Variants in CREB5 observed in about 807,000 individuals in gnomAD.
CREB5 encodes the protein cyclic AMP-responsive element-binding protein 5.
CREB5 carries 19 observed loss-of-function variants against 57.1 expected under a neutral mutation model. The ratio of observed to expected loss-of-function variants is 0.33; its 90% CI spans 0.23 to 0.49. The LOEUF (loss-of-function observed/expected upper bound fraction) is 0.49, where lower values mean the gene tolerates loss of function less well. CREB5 is among the 20% of genes least tolerant of loss of function. The pLI is 0.99. For missense variants in CREB5, 579 were observed against 671.6 expected (o/e 0.86, Z 1.52); for synonymous variants, 238 against 238.3 (o/e 1.00, Z 0.01).
chr7:28,756,214 G>C (rs73077862), intron 7 of CREB5, among the ~76,000 whole-genome samples: 2 of 152,016 alleles, frequency 1.3e-5, no homozygotes, highest in African/African-American at 4.8e-5. Flanking sequence ...AAGGCAAGTC[G>C]CAGCCAAATG....
At chr7:28,456,240 A>AC (rs1790088606) in intron 1 of CREB5, among the ~76,000 whole-genome samples, 2 of 61,864 alleles carry the variant, frequency 3.2e-5, no homozygotes, top group African/African-American at 9.1e-5. Context: ...GAGAGGATTG[A>AC]TTTTTCCCCC....
intron 1 of CREB5, among the ~76,000 whole-genome samples, chr7:28,421,837 C>T (rs1356577701): frequency 3.8e-5 from 1 of 26,614 alleles, no homozygotes; most frequent in Admixed American, 4.7e-4. Context: ...TATATATACA[C>T]ACACACACAC....
intron 1 of CREB5, among the ~76,000 whole-genome samples, chr7:28,472,699 C>G (rs1273670439): frequency 6.6e-6 from 1 of 152,188 alleles, no homozygotes; most frequent in Non-Finnish European, 1.5e-5. Flanking sequence ...CCAGGATCCC[C>G]AGAGTGAATT....
At chr7:28,383,956 C>T (rs1357202682) in intron 1 of CREB5, among the ~76,000 whole-genome samples, 1 of 152,092 alleles carries the variant, frequency 6.6e-6, no homozygotes, top group Non-Finnish European at 1.5e-5. Context: ...GTGAAATAAC[C>T]TCATTGCTCT....
intron 5 of CREB5, among the ~76,000 whole-genome samples, chr7:28,606,077 G>C (rs1386922293): frequency 6.6e-6 from 1 of 152,142 alleles, no homozygotes; most frequent in Non-Finnish European, 1.5e-5. Context: ...GATTGGGAAA[G>C]CATTACTACC....
chr7:28,444,738 C>A (rs1207413381), intron 1 of CREB5, among the ~76,000 whole-genome samples: 1 of 152,170 alleles, frequency 6.6e-6, no homozygotes, highest in African/African-American at 2.4e-5. Context: ...GCTCTGTTTT[C>A]TGGGCTCATT....
At chr7:28,750,583 G>A (rs1056292612) in intron 7 of CREB5, among the ~76,000 whole-genome samples, 2 of 140,074 alleles carry the variant, frequency 1.4e-5, no homozygotes, top group African/African-American at 5.4e-5. Flanking sequence ...ACATGTAGAA[G>A]CTTAATACGA....
chr7:28,565,578 G>T (rs17156850), intron 4 of CREB5, among the ~76,000 whole-genome samples: 2 of 152,154 alleles, frequency 1.3e-5, no homozygotes, highest in African/African-American at 4.8e-5. Context: ...CTGCTTCAAC[G>T]TAGGTATTCA....
intron 8 of CREB5, among the ~76,000 whole-genome samples, chr7:28,807,339 C>G (rs995115832): frequency 3.3e-5 from 5 of 152,224 alleles, no homozygotes; most frequent in Non-Finnish European, 7.4e-5. Context: ...ATCCCAGCTA[C>G]TTGGGAGGCT....
intron 5 of CREB5, among the ~76,000 whole-genome samples, chr7:28,572,272 G>T (rs983844064): frequency 6.6e-6 from 1 of 152,186 alleles, no homozygotes; most frequent in South Asian, 2.1e-4. Flanking sequence ...CTGGCCCTTC[G>T]AATGCTCGGC....
chr7:28,528,282 G>T (rs1793534876), intron 4 of CREB5, among the ~76,000 whole-genome samples: 1 of 152,206 alleles, frequency 6.6e-6, no homozygotes, highest in Non-Finnish European at 1.5e-5. Flanking sequence ...GGCATTAATT[G>T]CTCTGTAATT....
intron 7 of CREB5, among the ~76,000 whole-genome samples, chr7:28,755,327 C>G (rs150442704): frequency 4.3e-4 from 65 of 152,322 alleles, no homozygotes; most frequent in African/African-American, 1.5e-3. Context: ...GTATTTATAA[C>G]AGCTGCTGAA....
chr7:28,501,549 C>A (rs920003876), intron 3 of CREB5, among the ~76,000 whole-genome samples: 15 of 152,176 alleles, frequency 9.9e-5, no homozygotes, highest in African/African-American at 3.6e-4. Context: ...TGTCTGGAAA[C>A]CAGTCCCCTT....
intron 7 of CREB5, among the ~76,000 whole-genome samples, chr7:28,748,728 A>G (rs1417923996): frequency 1.3e-5 from 2 of 152,160 alleles, no homozygotes; most frequent in African/African-American, 4.8e-5. Flanking sequence ...GCCAGTGAGG[A>G]AAAGCAGCCT....
chr7:28,407,152 C>A (rs1219537952), intron 1 of CREB5, among the ~76,000 whole-genome samples: 2 of 152,118 alleles, frequency 1.3e-5, no homozygotes, highest in East Asian at 3.9e-4. Context: ...CAGATTCAAG[C>A]GATTCTCCTG....
intron 3 of CREB5, among the ~76,000 whole-genome samples, chr7:28,498,000 T>A (rs1225559345): frequency 1.3e-5 from 2 of 152,236 alleles, no homozygotes; most frequent in East Asian, 3.8e-4. Flanking sequence ...CTGTCCATGA[T>A]GAGTTTTAGT....
At chr7:28,382,646 C>G (rs1245523894) in intron 1 of CREB5, among the ~76,000 whole-genome samples, 1 of 152,012 alleles carries the variant, frequency 6.6e-6, no homozygotes, top group Non-Finnish European at 1.5e-5. Flanking sequence ...CTTCCCTCAC[C>G]TGAAGTATCG....
At position 28,616,248 on chromosome 7, in the gene CREB5, T is replaced by C. The variant is rs908777988; in HGVS notation, c.464+45711T>C. 3.3e-5 allele frequency among the ~76,000 whole-genome samples: 5 copies of C among 152,338 alleles called. No homozygotes were observed. The East Asian group carries it at 9.6e-4, about 29-fold the overall frequency. On this transcript the variant is annotated intron_variant, in intron 5 of 10. Transcript: ENST00000357727. ...GGCACCAATGGTTGGCTTGTTTTTC[T>C]CTTTGGGCCATTGGCAGTCACTGAC...
Position 28,550,323 on chromosome 7 carries a change from A to G in CREB5, c.292-20042A>G, listed in dbSNP as rs147533409. Among the ~76,000 whole-genome samples, 763 of 152,250 alleles carry G rather than the reference A, an allele frequency of 5.0e-3. 1 individual carries two copies. Among genetic ancestry groups the G allele is most frequent in the Non-Finnish European group, 8.1e-3 (554 of 68,022 alleles). Reference sequence around the variant, plus strand: ...CACTAAACACCAAGCCTATTGGTTGAGTGGTTATAGTAGCTGAGGTCAGTG... The same window carrying G: ...CACTAAACACCAAGCCTATTGGTTGGGTGGTTATAGTAGCTGAGGTCAGTG... On this transcript the variant is annotated intron_variant, in intron 4 of 10. Transcript: ENST00000357727.
Sources: gnomAD v4.1 joint callset for allele counts (sites outside exome capture counted in the v4.1 genomes callset) on GRCh38, gnomAD v4.1.1 for gene constraint, MANE v1.5 for transcripts, NCBI Gene and HGNC (gene_info 2026-07-23, HGNC 2026-07-21) for gene names.